Variants in MMRN1 observed in about 807,000 individuals in gnomAD.
MMRN1 encodes the protein multimerin 1.
In MMRN1, 94 loss-of-function variants were observed where a neutral mutation model predicts 100.7. The ratio of observed to expected loss-of-function variants is 0.93; its 90% CI spans 0.79 to 1.11. MMRN1 has a LOEUF of 1.11. MMRN1 is among the 50% of genes least tolerant of loss of function. The pLI is 0.00. For missense variants in MMRN1, 1,606 were observed against 1,439.1 expected (o/e 1.12, Z -1.88); for synonymous variants, 575 against 505.0 (o/e 1.14, Z -1.86).
Position 89,953,752 on chromosome 4 carries a change from C to G in MMRN1, c.*334C>G, listed in dbSNP as rs1043506046. 1.2e-5 allele frequency: 2 copies of G among 172,308 alleles called. No individual in the cohort carries two copies. The highest frequency in any genetic ancestry group is 1.9e-4 in the South Asian group (1 of 5,156). The allele number at this position is 172,308 out of a possible 1,614,324, so 10.7% of individuals were successfully genotyped here. On this transcript the variant is annotated 3_prime_UTR_variant, in exon 8 of 8. Coordinates refer to ENST00000264790, the MANE Select transcript of MMRN1 (RefSeq NM_007351.3). Reference sequence around the variant, plus strand: ...ATGGTAATTACAACATATTATCAGTCACAGTTTTCTTTCCAATTAAACACT... The same window carrying G: ...ATGGTAATTACAACATATTATCAGTGACAGTTTTCTTTCCAATTAAACACT...
At chr4:89,918,858 T>A (rs1722002147) in intron 3 of MMRN1, among the ~76,000 whole-genome samples, 1 of 151,868 alleles carries the variant, frequency 6.6e-6, no homozygotes, top group African/African-American at 2.4e-5. Flanking sequence ...TATGTATTAC[T>A]ACATTACTAA....
upstream of MMRN1, among the ~76,000 whole-genome samples, chr4:89,891,635 T>A (rs1721057147): frequency 6.6e-6 from 1 of 152,082 alleles, no homozygotes; most frequent in Admixed American, 6.6e-5. Context: ...CCTTTTGCTG[T>A]ATGTTGATAA....
rs970533289 is a variant in MMRN1 at position 89,953,071 on chromosome 4, C to T, written c.3340C>T (p.Pro1114Ser). 2 of 1,613,758 alleles carry T rather than the reference C, an allele frequency of 1.2e-6. No homozygotes were observed. Among genetic ancestry groups the T allele is most frequent in the Non-Finnish European group, 1.7e-6 (2 of 1,179,796 alleles). ...ATCTCATACGTATGGAATGACTATACCTGGTCCTATCCTGTTTAATAACTT... is the reference window on the plus strand; with the variant it reads ...ATCTCATACGTATGGAATGACTATATCTGGTCCTATCCTGTTTAATAACTT... Reference protein sequence around the residue: ...FASHTYGMTIPGPILFNNLDV... With the variant: ...FASHTYGMTISGPILFNNLDV... Residue 1114 changes from proline (P) to serine (S), a missense_variant, in exon 8 of 8, where the codon CCT (proline) becomes TCT (serine). Pro to Ser is a moderately conservative substitution (Grantham distance 74). Coordinates refer to ENST00000264790, the MANE Select transcript of MMRN1 (RefSeq NM_007351.3).
intron 1 of MMRN1, among the ~76,000 whole-genome samples, chr4:89,902,749 A>G (rs1721432767): frequency 6.6e-6 from 1 of 152,024 alleles, no homozygotes; most frequent in African/African-American, 2.4e-5. Context: ...GTTTCTTCTT[A>G]AAGTCTAAAT....
intron 5 of MMRN1, among the ~76,000 whole-genome samples, chr4:89,933,298 G>A (rs1476044420): frequency 6.6e-6 from 1 of 152,088 alleles, no homozygotes; most frequent in African/African-American, 2.4e-5. Context: ...CATTTGACAA[G>A]TCTCCAGGAA....
chr4:89,941,649 A>G (rs1560597712), intron 6 of MMRN1, among the ~76,000 whole-genome samples: 1 of 152,170 alleles, frequency 6.6e-6, no homozygotes, highest in Non-Finnish European at 1.5e-5. Context: ...GGTGAATGAC[A>G]CTTACCAGTT....
chr4:89,950,432 C>T (rs1278236681), intron 6 of MMRN1, among the ~76,000 whole-genome samples: 1 of 152,136 alleles, frequency 6.6e-6, no homozygotes, highest in Admixed American at 6.6e-5. Context: ...CTATTAACAG[C>T]TATAGCAGTT....
intron 1 of MMRN1, among the ~76,000 whole-genome samples, chr4:89,884,155 A>T (rs1356406627): frequency 1.3e-5 from 2 of 151,986 alleles, no homozygotes; most frequent in African/African-American, 2.4e-5. Context: ...TAACTATCCA[A>T]TTTTTTTGGA....
intron 4 of MMRN1, among the ~76,000 whole-genome samples, chr4:89,925,614 G>A (rs910067180): frequency 6.6e-5 from 10 of 151,788 alleles, no homozygotes; most frequent in Non-Finnish European, 1.0e-4. Flanking sequence ...GGTGGATCAC[G>A]AGGTCAGGAG....
At chr4:89,884,152 C>T (rs1179281152) in intron 1 of MMRN1, among the ~76,000 whole-genome samples, 1 of 151,910 alleles carries the variant, frequency 6.6e-6, no homozygotes, top group African/African-American at 2.4e-5. Context: ...TATTAACTAT[C>T]CAATTTTTTT....
chr4:89,903,353 G>GTT lies in MMRN1; in HGVS notation c.624-5911_624-5910dup, dbSNP rs562454331. Among the ~76,000 whole-genome samples, 1,035 of 144,250 alleles carry GTT rather than the reference G, an allele frequency of 7.2e-3. 9 individuals are homozygous for GTT. Among genetic ancestry groups the GTT allele is most frequent in the Admixed American group, 0.015 (214 of 14,320 alleles). The allele number at this position is 144,250 out of a possible 152,430, so 94.6% of individuals were successfully genotyped here. A position where few individuals can be genotyped will look rare whatever the true frequency, so the allele number is the denominator to read the frequency against. ...TTAAGACTGTAGAGACATTCTGAAA[G>GTT]TTTTTTTTTTTTTCCTGAGAGGCAA... On this transcript the variant is annotated intron_variant, in intron 1 of 7. Coordinates refer to ENST00000264790, the MANE Select transcript of MMRN1 (RefSeq NM_007351.3).
chr4:89,890,408 C>T (rs963888470), upstream of MMRN1, among the ~76,000 whole-genome samples: 1 of 151,990 alleles, frequency 6.6e-6, no homozygotes, highest in African/African-American at 2.4e-5. Context: ...TTCTCCAGTA[C>T]CCAGAAATGA....
Position 89,943,724 on chromosome 4 carries a change from T to C in MMRN1, c.3118+6926T>C, listed in dbSNP as rs537972968. Among the ~76,000 whole-genome samples the C allele has an allele frequency of 6.6e-5, 10 of 152,288 alleles. No homozygotes were observed. In the East Asian group the frequency reaches 1.7e-3, roughly 26 times the overall value. ...TGATAGTGAGGCTGGGAGCGGTGGC[T>C]CACCACTGTAATCCCAACACTTTGG... On this transcript the variant is annotated intron_variant, in intron 6 of 7. Transcript: ENST00000264790.
rs1018850286 is a variant in MMRN1, at chr4:89,935,662, A to G, written c.1982A>G (p.Gln661Arg). ...PLLEQGASLRQTMTYEQPKEA... is the reference protein window; with the variant it reads ...PLLEQGASLRRTMTYEQPKEA... ...CTTGAGCAGGGAGCATCACTCAGAC[A>G]GACAATGACATATGAACAACCAAAG... The change falls in exon 6 of 8, where the codon CAG becomes CGG. Residue 661 changes from glutamine (Q) to arginine (R), a missense_variant. Gln to Arg is a conservative substitution (Grantham distance 43). Transcript: ENST00000264790. The G allele has an allele frequency of 6.2e-7, 1 of 1,613,418 alleles. No homozygotes were observed. Among genetic ancestry groups the G allele is most frequent in the African/African-American group, 1.3e-5 (1 of 75,022 alleles).
intron 5 of MMRN1, among the ~76,000 whole-genome samples, 179 bp downstream of exon 5, chr4:89,928,147 C>T (rs1430752711): frequency 1.3e-5 from 2 of 151,918 alleles, no homozygotes; most frequent in Non-Finnish European, 2.9e-5. Context: ...GAAATATCTA[C>T]ATTTTATTAT....
In MMRN1 at chr4:89,886,210, T is replaced by C. The variant is rs545462945; in HGVS notation, c.-249+6608T>C. Among the ~76,000 whole-genome samples, 3 of 152,050 alleles carry C rather than the reference T, an allele frequency of 2.0e-5. No homozygotes were observed. In the South Asian group the frequency reaches 6.2e-4, roughly 32 times the overall value. ...CTGGCCCCTTTCTTCTATTGTAAGA[T>C]AGGTATTTCAAGTGACAAAATTGCA... On this transcript the variant is annotated intron_variant, in intron 1 of 8. Coordinates refer to the MMRN1 transcript ENST00000394980.
intron 3 of MMRN1, among the ~76,000 whole-genome samples, chr4:89,913,741 C>G (rs764039592): frequency 8.6e-5 from 13 of 151,082 alleles, no homozygotes; most frequent in Non-Finnish European, 4.4e-5. Flanking sequence ...TTTCCAGTGG[C>G]AAAAATGTCC....
At chr4:89,887,136 G>A (rs1720956399) in intron 1 of MMRN1, among the ~76,000 whole-genome samples, 1 of 151,966 alleles carries the variant, frequency 6.6e-6, no homozygotes, top group Admixed American at 6.6e-5. Context: ...AAAAATTATT[G>A]ATGAAAGCAG....
At chr4:89,889,718 G>C (rs1372512) in intron 1 of MMRN1, among the ~76,000 whole-genome samples, 13,043 of 152,084 alleles carry the variant, frequency 0.086, 1,217 homozygotes, top group East Asian at 0.32. Flanking sequence ...TTCAACACTA[G>C]ACATCATGTG....
Sources: allele counts gnomAD v4.1 joint callset (sites outside exome capture counted in the v4.1 genomes callset), GRCh38; gene constraint gnomAD v4.1.1; transcripts MANE v1.5; gene names NCBI Gene and HGNC (gene_info 2026-07-23, HGNC 2026-07-21).